GRM8: variants seen among roughly 807,000 people sequenced by gnomAD.
The protein encoded by GRM8 is metabotropic glutamate receptor 8.
A neutral mutation model predicts 87.2 loss-of-function variants in GRM8; 47 were observed. The observed-to-expected ratio is 0.54, with a 90% CI of 0.43 to 0.69. The LOEUF (loss-of-function observed/expected upper bound fraction) is 0.69. Among genes scored for constraint, GRM8 ranks in the 30% least tolerant of loss-of-function variants. GRM8 has a pLI of 0.00. For synonymous variants in GRM8, 396 were observed against 404.5 expected (o/e 0.98, Z 0.25); for missense variants, 1,019 against 1,139.2 (o/e 0.89, Z 1.52).
chr7:126,843,492 T>A (rs1393648449), intron 6 of GRM8, among the ~76,000 whole-genome samples: 1 of 152,220 alleles, frequency 6.6e-6, no homozygotes, highest in Non-Finnish European at 1.5e-5. Context: ...TTAGTTTCAG[T>A]TGGGTCTTCA....
chr7:126,491,973 C>G (rs1476336175), intron 9 of GRM8, among the ~76,000 whole-genome samples: 13 of 151,982 alleles, frequency 8.6e-5, no homozygotes, highest in Non-Finnish European at 1.3e-4. Flanking sequence ...AAAAAGCCAT[C>G]CCTTCTTTCA....
intron 6 of GRM8, among the ~76,000 whole-genome samples, chr7:126,875,015 G>A (rs897982391): frequency 4.6e-5 from 7 of 151,992 alleles, no homozygotes; most frequent in Non-Finnish European, 7.4e-5. Flanking sequence ...CTATTAAACT[G>A]CTTATTAAAA....
At chr7:127,072,729 G>C (rs142465136) in intron 3 of GRM8, among the ~76,000 whole-genome samples, 397 of 151,636 alleles carry the variant, frequency 2.6e-3, no homozygotes, top group Non-Finnish European at 3.9e-3. Context: ...AGTGAAAATA[G>C]AGTGCTACCT....
In GRM8 at chr7:126,624,176, T is replaced by C. The variant is rs575783558; in HGVS notation, c.1358-14678A>G. Among the ~76,000 whole-genome samples, 5 of 152,328 alleles carry C rather than the reference T, an allele frequency of 3.3e-5. No individual in the cohort carries two copies. The East Asian group carries it at 9.6e-4, about 29-fold the overall frequency. The stretch of plus-strand genomic sequence containing the variant: ...CACAAATCAAATAATATCCCTCTTC[T>C]TGATATCCTTCAATGGCTTCCCATT... On this transcript the variant is annotated intron_variant, in intron 7 of 10. Transcript: ENST00000339582.
At chr7:126,709,069 T>C (rs891980941) in intron 7 of GRM8, among the ~76,000 whole-genome samples, 2 of 152,006 alleles carry the variant, frequency 1.3e-5, no homozygotes, top group Non-Finnish European at 1.5e-5. Flanking sequence ...TTATACAAAA[T>C]AAATATATAA....
rs559675012 is a variant in GRM8, at chr7:126,822,710, T to C, written c.1157-52645A>G. On this transcript the variant is annotated intron_variant, in intron 6 of 10. Transcript: ENST00000339582. ...CTCAGCCTCAAAGTATCTGGAATTATAGACTCCTATCTCTTAGTGCTTTCC... is the reference window on the plus strand; with the variant it reads ...CTCAGCCTCAAAGTATCTGGAATTACAGACTCCTATCTCTTAGTGCTTTCC... Among the ~76,000 whole-genome samples the C allele has an allele frequency of 5.3e-5, 8 of 152,164 alleles. No homozygotes were observed. The South Asian group carries it at 1.5e-3, about 28-fold the overall frequency.
intron 3 of GRM8, among the ~76,000 whole-genome samples, chr7:126,967,037 A>T (rs1376571553): frequency 6.6e-6 from 1 of 152,178 alleles, no homozygotes; most frequent in Non-Finnish European, 1.5e-5. Context: ...AGAACTTTGC[A>T]TCTATTGTTA....
intron 6 of GRM8, among the ~76,000 whole-genome samples, chr7:126,819,267 G>GACACACACACAC (rs1326195595): frequency 2.0e-4 from 11 of 54,862 alleles, no homozygotes; most frequent in Admixed American, 3.6e-4. Flanking sequence ...TATTCAGACA[G>GACACACACACAC]ACACACATAC....
At chr7:126,605,419 A>G (rs1263581000) in intron 8 of GRM8, among the ~76,000 whole-genome samples, 2 of 152,244 alleles carry the variant, frequency 1.3e-5, no homozygotes, top group East Asian at 1.9e-4. Flanking sequence ...AAGAAAAAAG[A>G]AACAGTAATG....
intron 8 of GRM8, among the ~76,000 whole-genome samples, chr7:126,597,957 A>G (rs1797368704): frequency 6.6e-6 from 1 of 152,076 alleles, no homozygotes; most frequent in Non-Finnish European, 1.5e-5. Context: ...ATTTTCAATT[A>G]TACAATAAAG....
intron 3 of GRM8, among the ~76,000 whole-genome samples, chr7:126,938,867 GA>G (rs1806604360): frequency 6.6e-6 from 1 of 152,096 alleles, no homozygotes; most frequent in Non-Finnish European, 1.5e-5. Flanking sequence ...CTCTGATTCT[GA>G]AAACAGATGG....
chr7:127,200,429 T>G (rs1213326582), intron 2 of GRM8, among the ~76,000 whole-genome samples: 1 of 152,264 alleles, frequency 6.6e-6, no homozygotes, highest in Non-Finnish European at 1.5e-5. Flanking sequence ...TACATCACTT[T>G]AAATTATACA....
intron 3 of GRM8, among the ~76,000 whole-genome samples, chr7:127,067,357 G>C (rs551442817): frequency 1.3e-5 from 2 of 152,104 alleles, no homozygotes; most frequent in Non-Finnish European, 1.5e-5. Flanking sequence ...AACAGGTGCC[G>C]TATTCTTTTT....
intron 6 of GRM8, among the ~76,000 whole-genome samples, chr7:126,803,795 T>C (rs1289590222): frequency 6.6e-6 from 1 of 152,240 alleles, no homozygotes. Context: ...AGAGTATTTA[T>C]TCTCGTTAAA....
intron 6 of GRM8, among the ~76,000 whole-genome samples, chr7:126,880,815 T>A (rs1799954879): frequency 6.6e-6 from 1 of 152,226 alleles, no homozygotes; most frequent in South Asian, 2.1e-4. Context: ...CTAATTCCAC[T>A]GTTCCTACAA....
chr7:127,043,571 C>T (rs1332187680), intron 3 of GRM8, among the ~76,000 whole-genome samples: 1 of 152,062 alleles, frequency 6.6e-6, no homozygotes, highest in Non-Finnish European at 1.5e-5. Flanking sequence ...ACAATGAGAA[C>T]ACATGGATTC....
At chr7:126,588,713 G>C (rs1031587844) in intron 8 of GRM8, among the ~76,000 whole-genome samples, 2 of 152,106 alleles carry the variant, frequency 1.3e-5, no homozygotes, top group Non-Finnish European at 2.9e-5. Flanking sequence ...AACTACTGGA[G>C]GAACATACCA....
chr7:126,922,103 T>C (rs180731283), intron 3 of GRM8, among the ~76,000 whole-genome samples: 1 of 152,270 alleles, frequency 6.6e-6, no homozygotes, highest in Non-Finnish European at 1.5e-5. Flanking sequence ...TACAGTTCTG[T>C]CAAAGTTTGA....
At chr7:127,225,289 G>A (rs992868137) in intron 2 of GRM8, among the ~76,000 whole-genome samples, 1 of 152,180 alleles carries the variant, frequency 6.6e-6, no homozygotes, top group Non-Finnish European at 1.5e-5. Context: ...GTGAATGTGT[G>A]CCCTGGTGCT....
Sources: allele counts gnomAD v4.1 joint callset (sites outside exome capture counted in the v4.1 genomes callset), GRCh38; gene constraint gnomAD v4.1.1; transcripts MANE v1.5; gene names NCBI Gene and HGNC (gene_info 2026-07-23, HGNC 2026-07-21).